The following L3MBTL4 variants were observed in gnomAD, a reference collection of about 807,000 sequenced individuals.
The protein encoded by L3MBTL4 is lethal(3)malignant brain tumor-like protein 4.
Under a neutral mutation model 84.5 loss-of-function variants are expected in L3MBTL4, and 70 were observed. The ratio of observed to expected loss-of-function variants is 0.83; its 90% CI spans 0.68 to 1.01. The LOEUF (loss-of-function observed/expected upper bound fraction) is 1.01. Among genes scored for constraint, L3MBTL4 ranks in the 50% least tolerant of loss-of-function variants. The probability of loss-of-function intolerance (pLI) is 0.00; values close to 1 mark genes in which losing one functional copy is unlikely to be tolerated. For missense variants in L3MBTL4, 715 were observed against 754.8 expected (o/e 0.95, Z 0.62); for synonymous variants, 274 against 259.8 (o/e 1.05, Z -0.52).
intron 1 of L3MBTL4, among the ~76,000 whole-genome samples, chr18:6,317,294 T>C (rs912909451): frequency 6.6e-6 from 1 of 151,904 alleles, no homozygotes; most frequent in African/African-American, 2.4e-5. Context: ...AAAAGGTTGA[T>C]TACTAAGCTA....
At chr18:5,958,579 G>A (rs2095246315) in intron 18 of L3MBTL4, among the ~76,000 whole-genome samples, 1 of 152,156 alleles carries the variant, frequency 6.6e-6, no homozygotes, top group South Asian at 2.1e-4. Flanking sequence ...TATAGGTGAG[G>A]AAACCTGGAA....
intron 16 of L3MBTL4, among the ~76,000 whole-genome samples, chr18:6,041,638 A>G (rs2056405510): frequency 6.6e-6 from 1 of 152,022 alleles, no homozygotes; most frequent in Non-Finnish European, 1.5e-5. Flanking sequence ...CTGCTTACCA[A>G]GCACAGAGAG....
At position 6,303,939 on chromosome 18, in the gene L3MBTL4, G is replaced by A. The variant is rs574827168; in HGVS notation, c.73-1982C>T. 2.8e-4 allele frequency among the ~76,000 whole-genome samples: 42 copies of A among 150,930 alleles called. No individual in the cohort carries two copies. In the East Asian group the frequency reaches 6.4e-3, roughly 23 times the overall value. ...TGAGACAGGAGAATCGCTTGAACCC[G>A]GAAGGCGGAGGTTGCAGCGAGCTGA... On this transcript the variant is annotated intron_variant, in intron 3 of 18. Coordinates refer to ENST00000317931, the MANE Select transcript of L3MBTL4 (RefSeq NM_001330559.2).
intron 15 of L3MBTL4, among the ~76,000 whole-genome samples, chr18:6,090,597 CA>C (rs1273222356): frequency 0.26 from 32,871 of 126,420 alleles, 3,942 homozygotes; most frequent in African/African-American, 0.47. Context: ...TATATATACA[CA>C]CACACACACA....
chr18:6,362,321 A>AAAGAAAAGAAAG (rs1291626105), intron 1 of L3MBTL4, among the ~76,000 whole-genome samples: 4 of 151,952 alleles, frequency 2.6e-5, no homozygotes, highest in African/African-American at 9.7e-5. Flanking sequence ...GAAAGAAAGA[A>AAAGAAAAGAAAG]AAGAAAAGAA....
intron 16 of L3MBTL4, among the ~76,000 whole-genome samples, chr18:6,049,184 T>C (rs535648043): frequency 6.6e-6 from 1 of 152,244 alleles, no homozygotes; most frequent in Admixed American, 6.5e-5. Flanking sequence ...GGAAACACCA[T>C]TTTCTGAATA....
chr18:6,031,081 T>G (rs1256462541), intron 16 of L3MBTL4: 9 of 985,338 alleles, frequency 9.1e-6, no homozygotes, highest in Non-Finnish European at 1.1e-5. Flanking sequence ...CAATTATTAA[T>G]TATAGGAAGC....
rs1934413889 is a variant in L3MBTL4, at chr18:6,189,142, A to G, written c.982-17200T>C. Among the ~76,000 whole-genome samples the G allele has an allele frequency of 2.0e-5, 3 of 152,152 alleles. No individual in the cohort carries two copies. In the East Asian group the frequency reaches 5.8e-4, roughly 29 times the overall value. ...GCTGCAGGTGGTTTCCTGGCTTCAC[A>G]TTGCATCACTCCAATCTCTGCCTCC... On this transcript the variant is annotated intron_variant, in intron 12 of 18. Coordinates refer to ENST00000317931, the MANE Select transcript of L3MBTL4 (RefSeq NM_001330559.2).
intron 1 of L3MBTL4, among the ~76,000 whole-genome samples, chr18:6,405,439 T>C (rs1288810369): frequency 1.3e-5 from 2 of 152,232 alleles, no homozygotes; most frequent in Non-Finnish European, 2.9e-5. Flanking sequence ...CCATCTGTGG[T>C]GCAGAACAAT....
chr18:6,095,673 C>CA (rs1007378855), intron 14 of L3MBTL4, among the ~76,000 whole-genome samples: 1 of 151,980 alleles, frequency 6.6e-6, no homozygotes, highest in Admixed American at 6.6e-5. Context: ...TTAACACCAT[C>CA]AAAAAAAGAA....
At chr18:6,038,837 T>C (rs894489162) in intron 16 of L3MBTL4, among the ~76,000 whole-genome samples, 1 of 152,114 alleles carries the variant, frequency 6.6e-6, no homozygotes, top group African/African-American at 2.4e-5. Flanking sequence ...AATGTCTGTG[T>C]TCCCCCAAAA....
chr18:6,241,310 T>A, intron 8 of L3MBTL4, 48 bp downstream of exon 8: 1 of 1,092,052 alleles, frequency 9.2e-7, no homozygotes. Context: ...TTTTAAGAAA[T>A]TTAAGCTTGG....
At chr18:6,312,336 G>A (rs1223573867) in intron 1 of L3MBTL4, among the ~76,000 whole-genome samples, 1 of 152,046 alleles carries the variant, frequency 6.6e-6, no homozygotes, top group Non-Finnish European at 1.5e-5. Flanking sequence ...AGTGCTTTAC[G>A]ATGATATATC....
At chr18:6,136,870 C>T (rs1255709370) in intron 14 of L3MBTL4, among the ~76,000 whole-genome samples, 1 of 152,184 alleles carries the variant, frequency 6.6e-6, no homozygotes, top group East Asian at 1.9e-4. Context: ...CACCCTCCAC[C>T]AGTAACGAGG....
At chr18:5,959,876 G>A (rs935017736) in intron 18 of L3MBTL4, among the ~76,000 whole-genome samples, 1 of 151,978 alleles carries the variant, frequency 6.6e-6, no homozygotes, top group African/African-American at 2.4e-5. Flanking sequence ...GACTGACCCA[G>A]CTTGGTCTCA....
intron 16 of L3MBTL4, among the ~76,000 whole-genome samples, chr18:6,059,107 A>G (rs2057121893): frequency 1.3e-5 from 2 of 152,196 alleles, no homozygotes; most frequent in Admixed American, 6.5e-5. Context: ...TTACGCATCT[A>G]GTCTGGAGTG....
chr18:5,971,912 G>A (rs1367687880), intron 16 of L3MBTL4, among the ~76,000 whole-genome samples: 4 of 152,218 alleles, frequency 2.6e-5, no homozygotes, highest in Non-Finnish European at 5.9e-5. Flanking sequence ...GCTTTATGCT[G>A]TGCATTTGAA....
intron 12 of L3MBTL4, among the ~76,000 whole-genome samples, chr18:6,195,695 G>T (rs2045344921): frequency 6.6e-6 from 1 of 152,140 alleles, no homozygotes; most frequent in African/African-American, 2.4e-5. Flanking sequence ...TTGTGGCTGA[G>T]CGGAAAACAT....
intron 16 of L3MBTL4, among the ~76,000 whole-genome samples, chr18:6,077,720 T>C (rs781369171): frequency 1.0e-3 from 139 of 139,338 alleles, no homozygotes; most frequent in Admixed American, 2.4e-3. Context: ...CCATTTTCCT[T>C]AAAAAAAAAA....
Sources: allele counts gnomAD v4.1 joint callset (sites outside exome capture counted in the v4.1 genomes callset), GRCh38; gene constraint gnomAD v4.1.1; transcripts MANE v1.5; gene names NCBI Gene and HGNC (gene_info 2026-07-23, HGNC 2026-07-21).